Variants in ALDH3B1 observed in about 807,000 individuals in gnomAD.
ALDH3B1 encodes aldehyde dehydrogenase family 3 member B1.
In ALDH3B1, 37 loss-of-function variants were observed where a neutral mutation model predicts 46.2. That is an observed-to-expected ratio of 0.80 (90% confidence interval 0.62 to 1.05). The LOEUF is 1.05. Ranked by LOEUF, ALDH3B1 falls within the 50% of genes least tolerant of loss-of-function variation. ALDH3B1 has a pLI of 0.00. For missense variants in ALDH3B1, 603 were observed against 665.5 expected, an observed-to-expected ratio of 0.91 and a Z score of 1.03; for synonymous variants, 283 against 281.0, an observed-to-expected ratio of 1.01 and a Z score of -0.07.
chr11:68,009,380 C>A (rs539716321), upstream of ALDH3B1, among the ~76,000 whole-genome samples: 2 of 152,318 alleles, frequency 1.3e-5, no homozygotes, highest in African/African-American at 4.8e-5. Flanking sequence ...GAAGGGGAAA[C>A]TGAGTCTTGG....
Position 68,022,764 on chromosome 11 carries a change from G to T in ALDH3B1, c.1116+3G>T, listed in dbSNP as rs1351055814. 2 of 1,613,854 alleles carry T rather than the reference G, an allele frequency of 1.2e-6. No homozygotes were observed. The highest frequency in any genetic ancestry group is 1.1e-5 in the South Asian group (1 of 91,076). On this transcript the variant is annotated splice_donor_region_variant and intron_variant, in intron 8 of 9. Coordinates refer to ENST00000342456, the MANE Select transcript of ALDH3B1 (RefSeq NM_000694.4). ...ACGCCTTCTCCAACAGCAGCCAGGTGGGGGTGCGGCCGGGCTGGGCAGGGT... is the reference window on the plus strand; with the variant it reads ...ACGCCTTCTCCAACAGCAGCCAGGTTGGGGTGCGGCCGGGCTGGGCAGGGT...
chr11:68,027,811 G>C lies in ALDH3B1; in HGVS notation c.1279G>C (p.Ala427Pro). ...CTTCGACACCTTCTCCCACCATCGC[G>C]CCTGCCTCCTGCGCAGCCCGGGGAT... ...FSFDTFSHHRACLLRSPGMEK... is the reference protein window; with the variant it reads ...FSFDTFSHHRPCLLRSPGMEK... The change falls in exon 10 of 10, where the codon GCC (alanine) becomes CCC (proline). Residue 427 changes from alanine to proline, a missense_variant. Coordinates refer to ENST00000342456, the MANE Select transcript of ALDH3B1 (RefSeq NM_000694.4). 1.3e-6 allele frequency: 2 copies of C among 1,558,810 alleles called. No individual in the cohort carries two copies. The highest frequency in any genetic ancestry group is 1.7e-6 in the Non-Finnish European group (2 of 1,150,484).
At chr11:68,009,623 A>G (rs568519240), upstream of ALDH3B1, among the ~76,000 whole-genome samples, 1 of 152,380 alleles carries the variant, frequency 6.6e-6, no homozygotes, top group East Asian at 1.9e-4. Flanking sequence ...GTCAGCTAAC[A>G]GAACAGAAAG....
upstream of ALDH3B1, among the ~76,000 whole-genome samples, chr11:68,009,927 C>T (rs1259084343): frequency 6.6e-6 from 1 of 152,058 alleles, no homozygotes. Flanking sequence ...GACTTCCTTG[C>T]TATTCTGGGC....
chr11:68,021,253 G>A (rs1022836550), intron 6 of ALDH3B1, among the ~76,000 whole-genome samples: 9 of 152,134 alleles, frequency 5.9e-5, no homozygotes, highest in Admixed American at 3.9e-4. Context: ...CCTGGGGGCC[G>A]ATAGCAGCCG....
chr11:68,019,402 G>A (rs562756444), intron 5 of ALDH3B1, 147 bp downstream of exon 5: 87 of 744,484 alleles, frequency 1.2e-4, no homozygotes, highest in Non-Finnish European at 1.6e-4. Context: ...CCAAGTCACC[G>A]CCCCTGTCAG....
At chr11:68,009,484 G>A (rs1457726108), upstream of ALDH3B1, among the ~76,000 whole-genome samples, 1 of 152,230 alleles carries the variant, frequency 6.6e-6, no homozygotes, top group Non-Finnish European at 1.5e-5. Context: ...CAGCAGACTT[G>A]CGTCAAGAGC....
intron 9 of ALDH3B1, among the ~76,000 whole-genome samples, chr11:68,026,472 C>T (rs1590783937): frequency 6.6e-6 from 1 of 152,154 alleles, no homozygotes; most frequent in Non-Finnish European, 1.5e-5. Flanking sequence ...GCAGCAATGC[C>T]GCCGGTGTCC....
At chr11:68,024,361 T>C (rs1259890297) in intron 8 of ALDH3B1, 1 of 152,236 alleles carries the variant, frequency 6.6e-6, no homozygotes, top group Non-Finnish European at 1.5e-5. Flanking sequence ...TCTTTATTAT[T>C]TGGAAGCAAG....
intron 1 of ALDH3B1, among the ~76,000 whole-genome samples, chr11:68,011,669 C>A (rs1278288735): frequency 6.6e-6 from 1 of 152,162 alleles, no homozygotes; most frequent in African/African-American, 2.4e-5. Flanking sequence ...TGATGGGGGT[C>A]CCCCAGGCCC....
rs977308588 is a variant in ALDH3B1, at chr11:68,015,337, G to C, written c.40G>C (p.Ala14Pro). 4 of 1,529,544 alleles carry C rather than the reference G, an allele frequency of 2.6e-6. No individual in the cohort carries two copies. The highest frequency in any genetic ancestry group is 3.5e-6 in the Non-Finnish European group (4 of 1,133,956). 94.7% of individuals were successfully genotyped at this position (1,529,544 alleles called of 1,614,324 possible). The change falls in exon 2 of 10, where the codon GCC becomes CCC. Residue 14 changes from alanine (A) to proline (P), a missense_variant. Transcript: ENST00000342456. ...LGDTLRRLRE[A>P]FHAGRTRPAE... is the part of the protein sequence containing the mutation. ...GGACACGCTGCGGCGACTGCGGGAG[G>C]CCTTCCACGCGGGGCGCACGCGGCC... is the stretch of plus-strand genomic sequence containing the variant.
chr11:68,012,922 G>A (rs900888505), intron 1 of ALDH3B1, among the ~76,000 whole-genome samples: 1 of 152,198 alleles, frequency 6.6e-6, no homozygotes, highest in Non-Finnish European at 1.5e-5. Flanking sequence ...CTTCAGTGGG[G>A]TGAATAGTGG....
intron 9 of ALDH3B1, among the ~76,000 whole-genome samples, chr11:68,027,053 C>A (rs1433469896): frequency 6.6e-6 from 1 of 152,054 alleles, no homozygotes; most frequent in African/African-American, 2.4e-5. Context: ...CCCGAGCTGA[C>A]CCTTCTTGGT....
At chr11:68,026,617 T>C (rs1351822553) in intron 9 of ALDH3B1, among the ~76,000 whole-genome samples, 3 of 151,914 alleles carry the variant, frequency 2.0e-5, no homozygotes, top group Non-Finnish European at 4.4e-5. Flanking sequence ...TGCAGAGTCC[T>C]GGCCTCTGAG....
In ALDH3B1 at chr11:68,015,432, C is replaced by G. The variant is rs181292499; in HGVS notation, c.135C>G (p.His45Gln). Residue 45 changes from histidine to glutamine, a missense_variant, in exon 2 of 10, where the codon CAC becomes CAG. By Grantham distance (24) the His-to-Gln change is conservative. Coordinates refer to ENST00000342456, the MANE Select transcript of ALDH3B1 (RefSeq NM_000694.4). ...TGCAAGAAAACAAGCAGCTTCTGCA[C>G]GACGCACTGGCCCAGGACCTGCACA... Reference protein sequence around the residue: ...RFLQENKQLLHDALAQDLHKS... With the variant: ...RFLQENKQLLQDALAQDLHKS... The G allele has an allele frequency of 3.2e-6, 5 of 1,562,340 alleles. No homozygotes were observed. The highest frequency in any genetic ancestry group is 1.4e-5 in the African/African-American group (1 of 73,712).
At chr11:68,022,954 C>A (rs1004544662) in intron 8 of ALDH3B1, among the ~76,000 whole-genome samples, 193 bp downstream of exon 8, 8 of 152,328 alleles carry the variant, frequency 5.3e-5, no homozygotes, top group African/African-American at 1.4e-4. Flanking sequence ...CTGGGCCCCA[C>A]TCTCCTAGGC....
intron 1 of ALDH3B1, 73 bp from the exon 2 acceptor site, chr11:68,015,224 C>A: frequency 7.0e-7 from 1 of 1,434,230 alleles, no homozygotes; most frequent in East Asian, 2.5e-5. Context: ...TGCCCAGACC[C>A]TGGGGCGGCT....
In ALDH3B1 at chr11:68,028,068, G is replaced by A. The variant is rs1296245431; in HGVS notation, c.*129G>A. The A allele has an allele frequency of 2.4e-6, 3 of 1,239,332 alleles. No homozygotes were observed. The East Asian group carries it at 7.0e-5, about 29-fold the overall frequency. 76.8% of individuals were successfully genotyped at this position (1,239,332 alleles called of 1,614,324 possible). On this transcript the variant is annotated 3_prime_UTR_variant, in exon 10 of 10. Transcript: ENST00000342456. ...AGGCTCCAGGGCACCCCTCAAAGCA[G>A]CGCCTGCCTCCTCCCTCCTGGGTCT...
intron 1 of ALDH3B1, among the ~76,000 whole-genome samples, chr11:68,010,902 C>T (rs1294448059): frequency 6.6e-6 from 1 of 152,192 alleles, no homozygotes; most frequent in Non-Finnish European, 1.5e-5. Flanking sequence ...AAAGGAGTGG[C>T]CAGCCAGCCC....
Sources: gnomAD v4.1 joint callset for allele counts (sites outside exome capture counted in the v4.1 genomes callset) on GRCh38, gnomAD v4.1.1 for gene constraint, MANE v1.5 for transcripts, NCBI Gene and HGNC (gene_info 2026-07-23, HGNC 2026-07-21) for gene names.